Variants in DNAH9 observed in about 807,000 individuals in gnomAD.
DNAH9 encodes the protein DNAH9 variant protein.
Under a neutral mutation model 471.6 loss-of-function variants are expected in DNAH9, and 345 were observed. The ratio of observed to expected loss-of-function variants is 0.73; its 90% CI spans 0.67 to 0.80. The LOEUF (loss-of-function observed/expected upper bound fraction) is 0.80, where lower values mean the gene tolerates loss of function less well. DNAH9 is among the 30% of genes least tolerant of loss of function. The probability of loss-of-function intolerance (pLI) is 0.00; values close to 1 mark genes in which losing one functional copy is unlikely to be tolerated. For synonymous variants in DNAH9, 2,093 were observed against 2,123.6 expected, an observed-to-expected ratio of 0.99 and a Z score of 0.40; for missense variants, 5,407 against 5,609.2, an observed-to-expected ratio of 0.96 and a Z score of 1.15.
At chr17:11,819,024 A>G (rs1970211897) in intron 45 of DNAH9, among the ~76,000 whole-genome samples, 1 of 151,712 alleles carries the variant, frequency 6.6e-6, no homozygotes, top group African/African-American at 2.4e-5. Flanking sequence ...ATTCTATTCC[A>G]TCTTTTCTTT....
chr17:11,843,067 A>G (rs1205212925), intron 49 of DNAH9, among the ~76,000 whole-genome samples: 1 of 152,212 alleles, frequency 6.6e-6, no homozygotes, highest in African/African-American at 2.4e-5. Context: ...ATCCCAATCC[A>G]GGAGCAAAAC....
In DNAH9 at chr17:11,669,534, C is replaced by G; in HGVS notation, c.3093C>G (p.Tyr1031Ter). The change falls in exon 17 of 69, where the codon TAC becomes TAG. Residue 1031 changes from tyrosine to a stop codon, truncating the protein, a stop_gained. Transcript: ENST00000262442. LOFTEE classifies it high-confidence loss of function. The part of the protein sequence containing the change: ...RKEVLGQFLL[Y>*]GHILTPEEIE... Reference sequence around the variant, plus strand: ...AGGTTCTGGGTCAGTTTCTGCTGTACGGGCACATCCTCACTCCGGAAGAAA... The same window carrying G: ...AGGTTCTGGGTCAGTTTCTGCTGTAGGGGCACATCCTCACTCCGGAAGAAA... The G allele has an allele frequency of 2.5e-6, 4 of 1,614,096 alleles. No individual in the cohort carries two copies. In the South Asian group the frequency reaches 3.3e-5, roughly 13 times the overall value.
chr17:11,732,407 G>A (rs1436767891), intron 28 of DNAH9, among the ~76,000 whole-genome samples: 1 of 151,926 alleles, frequency 6.6e-6, no homozygotes, highest in Non-Finnish European at 1.5e-5. Flanking sequence ...TTATTCACAC[G>A]GCAATCCAGG....
chr17:11,763,444 A>G lies in DNAH9; in HGVS notation c.7000A>G (p.Lys2334Glu), dbSNP rs757552487. 2 of 1,613,842 alleles carry G rather than the reference A, an allele frequency of 1.2e-6. No individual in the cohort carries two copies. The highest frequency in any genetic ancestry group is 1.7e-6 in the Non-Finnish European group (2 of 1,179,838). The change falls in exon 36 of 69, where the codon AAG becomes GAG. Residue 2334 changes from lysine (K) to glutamate (E), a missense_variant. By Grantham distance (56) the Lys-to-Glu change is moderately conservative (BLOSUM62 1). Transcript: ENST00000262442. ...CCCTCGGGTCTCTCTTTGCAGGTTT[A>G]AGAAGATCATTCCCATCCCAGAGCA... Reference protein sequence around the residue: ...TCLDTLRTRFKKIIPIPEQSM... With the variant: ...TCLDTLRTRFEKIIPIPEQSM...
intron 4 of DNAH9, chr17:11,612,261 C>T: frequency 4.2e-6 from 1 of 235,386 alleles, no homozygotes; most frequent in Non-Finnish European, 8.5e-6. Context: ...ACCCTTCTGG[C>T]AAGACAGCCT....
intron 49 of DNAH9, among the ~76,000 whole-genome samples, chr17:11,835,925 C>A (rs1251113546): frequency 6.6e-6 from 1 of 152,196 alleles, no homozygotes; most frequent in Non-Finnish European, 1.5e-5. Flanking sequence ...AATACTCTGC[C>A]CACATGCCTC....
At chr17:11,778,804 C>T (rs374521586) in intron 38 of DNAH9, among the ~76,000 whole-genome samples, 2 of 151,902 alleles carry the variant, frequency 1.3e-5, no homozygotes, top group Non-Finnish European at 2.9e-5. Flanking sequence ...GTCAGGAATT[C>T]GAGACCAGCC....
intron 14 of DNAH9, 81 bp downstream of exon 14, chr17:11,653,083 A>C: frequency 1.4e-6 from 2 of 1,451,928 alleles, no homozygotes; most frequent in Non-Finnish European, 1.9e-6. Flanking sequence ...ATAAGTGATT[A>C]GGACAGTCAG....
Position 11,699,903 on chromosome 17 carries a change from C to T in DNAH9, c.5025+20C>T. On this transcript the variant is annotated intron_variant, in intron 23 of 68. Transcript: ENST00000262442. The stretch of plus-strand genomic sequence containing the variant: ...GGGCAGGTAACACAGTAGCCCTTTC[C>T]CCTCCTTCTGCTTTTCTCTCTCAAA... The T allele has an allele frequency of 6.2e-7, 1 of 1,612,830 alleles. No homozygotes were observed. Among genetic ancestry groups the T allele is most frequent in the South Asian group, 1.1e-5 (1 of 90,994 alleles).
intron 68 of DNAH9, among the ~76,000 whole-genome samples, chr17:11,968,966 G>A (rs577966874): frequency 1.9e-4 from 29 of 152,264 alleles, no homozygotes; most frequent in Non-Finnish European, 3.7e-4. Context: ...CACCTAGCCC[G>A]ACATCTGGCA....
intron 13 of DNAH9, among the ~76,000 whole-genome samples, chr17:11,652,056 A>G (rs988899658): frequency 6.6e-6 from 1 of 152,202 alleles, no homozygotes; most frequent in Non-Finnish European, 1.5e-5. Context: ...TAAACAAGTT[A>G]GAACTTTATT....
chr17:11,782,017 T>C (rs1305748542), intron 39 of DNAH9, among the ~76,000 whole-genome samples: 1 of 151,264 alleles, frequency 6.6e-6, no homozygotes. Context: ...AAGTCACTGA[T>C]TTGAGACAAC....
chr17:11,850,325 C>T (rs1354138911), intron 49 of DNAH9, among the ~76,000 whole-genome samples: 1 of 152,196 alleles, frequency 6.6e-6, no homozygotes, highest in African/African-American at 2.4e-5. Context: ...CCCAGAGCGC[C>T]TGTGCCTAAC....
In DNAH9 at chr17:11,747,679, C is replaced by T. The variant is rs763716903; in HGVS notation, c.6523C>T (p.Pro2175Ser). 2.2e-5 allele frequency: 35 copies of T among 1,613,958 alleles called. No individual in the cohort carries two copies. Among genetic ancestry groups the T allele is most frequent in the Non-Finnish European group, 2.9e-5 (34 of 1,180,030 alleles). Residue 2175 changes from proline (P) to serine (S), a missense_variant, in exon 32 of 69, where the codon CCC (proline) becomes TCC (serine). Around this residue, in one of 3 missense-constraint regions of DNAH9, gnomAD observed 4,636 missense variants for 4,900.3 expected, o/e 0.95. Transcript: ENST00000262442. ...GACCTATCAGATCATGAAACGGCGC[C>T]CCGTCTGGACTGACCTCAATCCCAA... Reference protein sequence around the residue: ...HKTYQIMKRRPVWTDLNPKAV... With the variant: ...HKTYQIMKRRSVWTDLNPKAV...
intron 22 of DNAH9, among the ~76,000 whole-genome samples, chr17:11,695,124 G>C (rs1048372664): frequency 6.6e-6 from 1 of 151,440 alleles, no homozygotes; most frequent in Non-Finnish European, 1.5e-5. Context: ...TCCTGACCTC[G>C]TGATCTGCCC....
At chr17:11,668,674 A>AAC (rs1555561389) in intron 15 of DNAH9, among the ~76,000 whole-genome samples, 16 of 150,368 alleles carry the variant, frequency 1.1e-4, no homozygotes, top group African/African-American at 3.7e-4. Flanking sequence ...CAAAAAAAAA[A>AAC]AAAAAAAAAA....
chr17:11,662,895 A>G (rs2150718298), intron 14 of DNAH9, among the ~76,000 whole-genome samples: 1 of 150,442 alleles, frequency 6.6e-6, no homozygotes, highest in East Asian at 2.0e-4. Flanking sequence ...AGCTGGGACT[A>G]CAGGCGCCCG....
intron 15 of DNAH9, among the ~76,000 whole-genome samples, chr17:11,668,592 G>A (rs1290860068): frequency 6.6e-6 from 1 of 151,270 alleles, no homozygotes; most frequent in African/African-American, 2.4e-5. Context: ...TTGAACCCGG[G>A]AGGTGGAGGT....
intron 50 of DNAH9, among the ~76,000 whole-genome samples, chr17:11,866,461 G>A (rs575771404): frequency 6.6e-6 from 1 of 152,158 alleles, no homozygotes; most frequent in East Asian, 1.9e-4. Flanking sequence ...CTGCTCAGGG[G>A]TCAGGGGTCA....
Sources: gnomAD v4.1 joint callset for allele counts (sites outside exome capture counted in the v4.1 genomes callset) on GRCh38, gnomAD v4.1.1 for gene constraint, gnomAD v4.1.1 regional missense constraint, MANE v1.5 for transcripts, NCBI Gene and HGNC (gene_info 2026-07-23, HGNC 2026-07-21) for gene names.